GPC5: variants seen among roughly 807,000 people sequenced by gnomAD.
The protein encoded by GPC5 is glypican-5.
In GPC5, 47 loss-of-function variants were observed where a neutral mutation model predicts 53.9. That is an observed-to-expected ratio of 0.87 (90% CI 0.69 to 1.11). GPC5 has a LOEUF of 1.11. GPC5 is among the 50% of genes most tolerant of loss of function. The pLI, the probability that GPC5 is intolerant of heterozygous loss-of-function variation, is 0.00. For missense variants in GPC5, 748 were observed against 713.1 expected, an observed-to-expected ratio of 1.05 and a Z score of -0.56; for synonymous variants, 286 against 263.3, an observed-to-expected ratio of 1.09 and a Z score of -0.84.
intron 5 of GPC5, among the ~76,000 whole-genome samples, chr13:91,859,087 TA>T (rs1032347678): frequency 6.6e-6 from 1 of 151,440 alleles, no homozygotes; most frequent in African/African-American, 2.4e-5. Flanking sequence ...TTTATCTTTT[TA>T]AAAAACAAAC....
chr13:92,282,672 CT>C (rs1322493841), intron 7 of GPC5, among the ~76,000 whole-genome samples: 1 of 152,098 alleles, frequency 6.6e-6, no homozygotes, highest in East Asian at 1.9e-4. Context: ...AAATAAAATG[CT>C]TTACAGACAA....
At chr13:91,478,739 C>T (rs1883084372) in intron 2 of GPC5, among the ~76,000 whole-genome samples, 1 of 144,182 alleles carries the variant, frequency 6.9e-6, no homozygotes, top group Non-Finnish European at 1.5e-5. Context: ...GGGCTCAGAT[C>T]ATGTTTGCTC....
At chr13:92,007,343 GT>G (rs538664094) in intron 6 of GPC5, among the ~76,000 whole-genome samples, 122 of 152,250 alleles carry the variant, frequency 8.0e-4, no homozygotes, top group African/African-American at 2.7e-3. Flanking sequence ...TGGAGTTGTA[GT>G]TTAGTCTACC....
At chr13:92,335,394 G>A (rs541855009) in intron 7 of GPC5, among the ~76,000 whole-genome samples, 1 of 152,192 alleles carries the variant, frequency 6.6e-6, no homozygotes, top group South Asian at 2.1e-4. Flanking sequence ...GGGGGCCCTC[G>A]TCCTGGTCAA....
At chr13:91,911,279 C>T (rs969272426) in intron 6 of GPC5, among the ~76,000 whole-genome samples, 3 of 152,102 alleles carry the variant, frequency 2.0e-5, no homozygotes, top group African/African-American at 7.2e-5. Flanking sequence ...TGCAGTGGCT[C>T]ATGCCTGTAA....
chr13:92,307,803 C>T (rs1038420316), intron 7 of GPC5, among the ~76,000 whole-genome samples: 3 of 152,218 alleles, frequency 2.0e-5, no homozygotes, highest in African/African-American at 7.2e-5. Context: ...ATAATATCCT[C>T]AAATTATATT....
chr13:91,441,179 A>C (rs76595871), intron 1 of GPC5, among the ~76,000 whole-genome samples: 1,707 of 152,218 alleles, frequency 0.011, 13 homozygotes, highest in Middle Eastern at 0.017. Flanking sequence ...CAAGTCTGTT[A>C]TATTTTGCCA....
chr13:92,630,168 T>A (rs575439947), intron 7 of GPC5, among the ~76,000 whole-genome samples: 2 of 152,278 alleles, frequency 1.3e-5, no homozygotes, highest in South Asian at 4.1e-4. Flanking sequence ...CACCCAACAT[T>A]TAATGAGCAA....
chr13:92,790,716 C>G (rs1447050879), intron 7 of GPC5, among the ~76,000 whole-genome samples: 5 of 151,970 alleles, frequency 3.3e-5, no homozygotes, highest in Non-Finnish European at 7.4e-5. Context: ...GATGATACAA[C>G]AGTGTTTGTG....
chr13:92,820,232 CA>C (rs1566432051), intron 7 of GPC5, among the ~76,000 whole-genome samples: 1 of 152,170 alleles, frequency 6.6e-6, no homozygotes. Context: ...AACTCTTTGT[CA>C]GTTAATTTTG....
At chr13:92,293,323 T>C (rs2043010462) in intron 7 of GPC5, among the ~76,000 whole-genome samples, 1 of 152,032 alleles carries the variant, frequency 6.6e-6, no homozygotes, top group African/African-American at 2.4e-5. Context: ...CATTTGTTTG[T>C]GTCATCTGTG....
chr13:91,608,775 A>G (rs963624407), intron 2 of GPC5, among the ~76,000 whole-genome samples: 1 of 152,030 alleles, frequency 6.6e-6, no homozygotes, highest in Non-Finnish European at 1.5e-5. Context: ...AATTATATTT[A>G]GTTTTGTGTA....
intron 2 of GPC5, among the ~76,000 whole-genome samples, chr13:91,477,801 A>G (rs891845476): frequency 2.0e-5 from 3 of 152,234 alleles, no homozygotes; most frequent in Non-Finnish European, 4.4e-5. Flanking sequence ...GCTATGCGGC[A>G]TAGTCTTTCT....
At chr13:92,440,968 CAG>C (rs1428510974) in intron 7 of GPC5, among the ~76,000 whole-genome samples, 2 of 152,070 alleles carry the variant, frequency 1.3e-5, no homozygotes, top group African/African-American at 4.8e-5. Flanking sequence ...TTGTTGGATG[CAG>C]AGTGTGGGAG....
In GPC5 at chr13:91,527,848, C is replaced by T. The variant is rs562875840; in HGVS notation, c.325+78926C>T. Among the ~76,000 whole-genome samples, 32 of 152,354 alleles carry T rather than the reference C, an allele frequency of 2.1e-4. No individual in the cohort carries two copies. The East Asian group carries it at 2.5e-3, about 12-fold the overall frequency. On this transcript the variant is annotated intron_variant, in intron 2 of 7. Coordinates refer to ENST00000377067, the MANE Select transcript of GPC5 (RefSeq NM_004466.6). The stretch of plus-strand genomic sequence containing the variant: ...GCCACCAAGACTTGGGGCTTCCACT[C>T]TCTGAAACAATGGCCTGAGCCATAT...
intron 6 of GPC5, among the ~76,000 whole-genome samples, chr13:92,099,248 A>G (rs145405886): frequency 6.6e-6 from 1 of 152,250 alleles, no homozygotes; most frequent in East Asian, 1.9e-4. Flanking sequence ...GTGATTTGCC[A>G]TCACCTATCC....
intron 7 of GPC5, among the ~76,000 whole-genome samples, chr13:92,681,119 G>A (rs1340719422): frequency 3.3e-5 from 5 of 151,672 alleles, no homozygotes; most frequent in Non-Finnish European, 7.4e-5. Context: ...GTAGCATTTA[G>A]TTTTAACCTC....
intron 2 of GPC5, among the ~76,000 whole-genome samples, chr13:91,687,829 C>A (rs1377532269): frequency 6.6e-6 from 1 of 151,956 alleles, no homozygotes; most frequent in Non-Finnish European, 1.5e-5. Flanking sequence ...ATTTTTAATT[C>A]TTGAATACAA....
At chr13:92,725,095 C>T (rs1399798766) in intron 7 of GPC5, among the ~76,000 whole-genome samples, 1 of 151,552 alleles carries the variant, frequency 6.6e-6, no homozygotes, top group Non-Finnish European at 1.5e-5. Flanking sequence ...ACCATGTTAT[C>T]TACCGTTTTC....
Sources: gnomAD v4.1 joint callset for allele counts (sites outside exome capture counted in the v4.1 genomes callset) on GRCh38, gnomAD v4.1.1 for gene constraint, MANE v1.5 for transcripts, NCBI Gene and HGNC (gene_info 2026-07-23, HGNC 2026-07-21) for gene names.